COMMD1: variants seen among roughly 807,000 people sequenced by gnomAD.
COMMD1 encodes the protein copper metabolism domain containing 1, also known as COMM domain-containing protein 1.
Under a neutral mutation model 17.2 loss-of-function variants are expected in COMMD1, and 10 were observed. The ratio of observed to expected loss-of-function variants is 0.58; its 90% CI spans 0.36 to 0.99. COMMD1 has a LOEUF of 0.99. COMMD1 is among the 50% of genes least tolerant of loss of function. The pLI, the probability that COMMD1 is intolerant of heterozygous loss-of-function variation, is 0.01. For synonymous variants in COMMD1, 97 were observed against 91.6 expected (o/e 1.06, Z -0.34); for missense variants, 270 against 231.8 (o/e 1.17, Z -1.07).
intron 2 of COMMD1, among the ~76,000 whole-genome samples, chr2:62,131,238 A>T (rs1319247384): frequency 2.0e-5 from 3 of 152,238 alleles, no homozygotes; most frequent in African/African-American, 7.2e-5. Flanking sequence ...ACTCCCCAGG[A>T]TCACAAAGTA....
intron 1 of COMMD1, among the ~76,000 whole-genome samples, chr2:61,910,351 A>G (rs979939895): frequency 6.6e-6 from 1 of 151,774 alleles, no homozygotes; most frequent in Non-Finnish European, 1.5e-5. Context: ...CCTGGGTTCA[A>G]GCAATTCTGC....
At chr2:62,085,574 A>T (rs1351200237) in intron 2 of COMMD1, among the ~76,000 whole-genome samples, 1 of 152,062 alleles carries the variant, frequency 6.6e-6, no homozygotes, top group Non-Finnish European at 1.5e-5. Context: ...ATGGTGGCTC[A>T]TGCCTATAAT....
At chr2:61,954,613 C>T (rs1383449894) in intron 1 of COMMD1, among the ~76,000 whole-genome samples, 1 of 151,958 alleles carries the variant, frequency 6.6e-6, no homozygotes, top group Non-Finnish European at 1.5e-5. Flanking sequence ...TTTTATAAAA[C>T]TGTAGGTAAA....
chr2:61,926,835 T>C (rs1433630260), intron 1 of COMMD1, among the ~76,000 whole-genome samples: 3 of 152,144 alleles, frequency 2.0e-5, no homozygotes, highest in Non-Finnish European at 4.4e-5. Flanking sequence ...AATACCAAAG[T>C]TCACAAAACC....
chr2:62,056,053 G>A (rs555715802), intron 2 of COMMD1, among the ~76,000 whole-genome samples: 28 of 152,298 alleles, frequency 1.8e-4, no homozygotes, highest in Non-Finnish European at 3.4e-4. Flanking sequence ...TCAGGAAAAC[G>A]GAATTGGTCA....
chr2:62,045,172 G>A (rs1408830675), intron 2 of COMMD1, among the ~76,000 whole-genome samples: 1 of 152,150 alleles, frequency 6.6e-6, no homozygotes, highest in Non-Finnish European at 1.5e-5. Flanking sequence ...TGATTGGTTA[G>A]GGATGAAATC....
At chr2:62,100,614 T>C (rs1672151809) in intron 2 of COMMD1, among the ~76,000 whole-genome samples, 1 of 152,148 alleles carries the variant, frequency 6.6e-6, no homozygotes, top group Non-Finnish European at 1.5e-5. Context: ...TTAAACATTT[T>C]CTGGTGACAA....
intron 1 of COMMD1, among the ~76,000 whole-genome samples, chr2:61,955,551 A>C (rs1671176131): frequency 6.6e-6 from 1 of 151,938 alleles, no homozygotes; most frequent in Non-Finnish European, 1.5e-5. Context: ...TTGCTAACCA[A>C]AGCTTTCAAA....
Position 61,954,849 on chromosome 2 carries a change from A to G in COMMD1, c.181-45852A>G, listed in dbSNP as rs183167100. Among the ~76,000 whole-genome samples, 230 of 152,186 alleles carry G rather than the reference A, an allele frequency of 1.5e-3. 1 individual carries two copies. The highest frequency in any genetic ancestry group is 1.5e-3 in the Non-Finnish European group (105 of 67,982). On this transcript the variant is annotated intron_variant, in intron 1 of 2. Coordinates refer to ENST00000311832, the MANE Select transcript of COMMD1 (RefSeq NM_152516.4). ...AGGGTGGGATTACAATAGTTTTTCT[A>G]TTTTTAGTAGAGACGGGGTTTCACC...
At chr2:61,968,492 A>G (rs1671563120) in intron 1 of COMMD1, among the ~76,000 whole-genome samples, 1 of 152,184 alleles carries the variant, frequency 6.6e-6, no homozygotes, top group African/African-American at 2.4e-5. Context: ...GGTGAAAAGA[A>G]AGGACAAAAT....
At chr2:62,111,946 T>C (rs1207791405) in intron 2 of COMMD1, among the ~76,000 whole-genome samples, 2 of 152,152 alleles carry the variant, frequency 1.3e-5, no homozygotes, top group Non-Finnish European at 2.9e-5. Context: ...CCTTATTAAA[T>C]TGTAGTCATA....
chr2:61,908,251 G>A (rs1669821133), intron 1 of COMMD1, among the ~76,000 whole-genome samples: 1 of 146,390 alleles, frequency 6.8e-6, no homozygotes, highest in African/African-American at 2.5e-5. Flanking sequence ...TTTTTGAGAC[G>A]GAGTCTCGTT....
rs570645527 is a variant in COMMD1, at chr2:61,905,967, C to T, written c.180+109C>T. The T allele has an allele frequency of 1.7e-4, 177 of 1,045,796 alleles. 5 individuals carry two copies. In the South Asian group the frequency reaches 2.0e-3, roughly 12 times the overall value. 64.8% of individuals were successfully genotyped at this position (1,045,796 alleles called of 1,614,324 possible). ...GTCCTCACAAGCCGAAAGGCTTTTC[C>T]CTCTCAGACCTCCACTCCGTGGGCT... is the stretch of plus-strand genomic sequence containing the variant. On this transcript the variant is annotated intron_variant, in intron 1 of 2. Transcript: ENST00000311832.
At chr2:62,084,000 A>C (rs1230170790) in intron 2 of COMMD1, among the ~76,000 whole-genome samples, 1 of 152,166 alleles carries the variant, frequency 6.6e-6, no homozygotes, top group Non-Finnish European at 1.5e-5. Context: ...AATTTAACTA[A>C]ACATCTTTCT....
intron 1 of COMMD1, among the ~76,000 whole-genome samples, chr2:61,932,726 G>A (rs969418117): frequency 5.9e-5 from 9 of 152,294 alleles, no homozygotes; most frequent in East Asian, 1.9e-4. Flanking sequence ...CTTGGCTGCC[G>A]TGTGCCCAAA....
chr2:62,013,576 C>T (rs188142867), intron 2 of COMMD1, among the ~76,000 whole-genome samples: 1 of 152,222 alleles, frequency 6.6e-6, no homozygotes, highest in East Asian at 1.9e-4. Context: ...ACTGGGCTCT[C>T]ACAGTGGTCC....
Position 62,000,572 on chromosome 2 carries a change from G to A in COMMD1, c.181-129G>A. 4 of 913,510 alleles carry A rather than the reference G, an allele frequency of 4.4e-6. No homozygotes were observed. In the South Asian group the frequency reaches 4.4e-5, roughly 10 times the overall value. 56.6% of individuals were successfully genotyped at this position (913,510 alleles called of 1,614,324 possible). A position where few individuals can be genotyped will look rare whatever the true frequency, so the allele number is the denominator to read the frequency against. On this transcript the variant is annotated intron_variant, in intron 1 of 2. Coordinates refer to ENST00000311832, the MANE Select transcript of COMMD1 (RefSeq NM_152516.4). ...CTCCCAAAGTGCTGAGATTACAGGT[G>A]TGAGCCATTGTGTCTGGGCTATTTC...
chr2:62,124,159 T>C (rs1032093388), intron 2 of COMMD1, among the ~76,000 whole-genome samples: 1 of 152,074 alleles, frequency 6.6e-6, no homozygotes, highest in Non-Finnish European at 1.5e-5. Flanking sequence ...GAGCTGGGTA[T>C]GGTGGCACAC....
intron 1 of COMMD1, among the ~76,000 whole-genome samples, chr2:61,992,362 A>T (rs1317258000): frequency 6.6e-6 from 1 of 152,206 alleles, no homozygotes. Flanking sequence ...AAAATACTTA[A>T]TTTTTAGGCT....
Sources: gnomAD v4.1 joint callset for allele counts (sites outside exome capture counted in the v4.1 genomes callset) on GRCh38, gnomAD v4.1.1 for gene constraint, MANE v1.5 for transcripts, NCBI Gene and HGNC (gene_info 2026-07-23, HGNC 2026-07-21) for gene names.